The following CLIC5 variants were observed in gnomAD, a reference collection of about 807,000 sequenced individuals.
CLIC5 encodes chloride intracellular channel protein 5.
Under a neutral mutation model 24.7 loss-of-function variants are expected in CLIC5, and 20 were observed. The ratio of observed to expected loss-of-function variants is 0.81; its 90% confidence interval spans 0.57 to 1.18. The LOEUF is 1.18. Ranked by LOEUF, CLIC5 falls within the 50% of genes most tolerant of loss-of-function variation. The pLI is 0.00. For missense variants in CLIC5, 341 were observed against 326.1 expected (o/e 1.05, Z -0.35); for synonymous variants, 159 against 135.6 (o/e 1.17, Z -1.20).
chr6:45,983,452 A>G (rs1328961832), intron 1 of CLIC5, among the ~76,000 whole-genome samples: 4 of 152,198 alleles, frequency 2.6e-5, no homozygotes, highest in Admixed American at 6.5e-5. Context: ...AAGACACACC[A>G]TTGAGAAGAG....
the CLIC5 span, among the ~76,000 whole-genome samples, chr6:46,115,678 T>C: frequency 6.6e-6 from 1 of 152,248 alleles, no homozygotes; most frequent in Non-Finnish European, 1.5e-5. Flanking sequence ...TGAAAAATTA[T>C]GTCACTGAAA....
At chr6:46,121,295 G>A in the CLIC5 span, among the ~76,000 whole-genome samples, 1 of 151,982 alleles carries the variant, frequency 6.6e-6, no homozygotes, top group Non-Finnish European at 1.5e-5. Flanking sequence ...TTAAAGAAAA[G>A]AATTTTCAAC....
intron 1 of CLIC5, among the ~76,000 whole-genome samples, chr6:46,001,161 G>C (rs147309638): frequency 2.0e-5 from 3 of 152,246 alleles, no homozygotes; most frequent in African/African-American, 7.2e-5. Context: ...ACCTTAACTG[G>C]GAGAGGAACC....
the CLIC5 span, among the ~76,000 whole-genome samples, chr6:46,127,937 G>C: frequency 2.6e-5 from 4 of 152,134 alleles, no homozygotes; most frequent in African/African-American, 9.7e-5. Flanking sequence ...ACCACTAAAG[G>C]AACCAGAAGT....
At chr6:46,028,201 A>T (rs867515814) in intron 1 of CLIC5, among the ~76,000 whole-genome samples, 5 of 152,228 alleles carry the variant, frequency 3.3e-5, no homozygotes, top group African/African-American at 4.8e-5. Context: ...AAAAGGCAGA[A>T]GGATGCAAAA....
chr6:46,112,156 A>G, the CLIC5 span, among the ~76,000 whole-genome samples: 1 of 152,186 alleles, frequency 6.6e-6, no homozygotes, highest in Non-Finnish European at 1.5e-5. Flanking sequence ...TCAGAAAGCC[A>G]ACAAACAGAA....
At chr6:45,922,242 T>C (rs556465298) in intron 4 of CLIC5, among the ~76,000 whole-genome samples, 1 of 152,308 alleles carries the variant, frequency 6.6e-6, no homozygotes, top group Admixed American at 6.5e-5. Flanking sequence ...ATTCTTTATT[T>C]GAAAGATAGC....
At chr6:45,940,578 C>G (rs184525741) in intron 4 of CLIC5, among the ~76,000 whole-genome samples, 66 of 152,328 alleles carry the variant, frequency 4.3e-4, no homozygotes, top group Non-Finnish European at 7.2e-4. Context: ...AGCATCTATT[C>G]CCTTGTTTTG....
intron 1 of CLIC5, among the ~76,000 whole-genome samples, chr6:46,050,293 G>A (rs1463378162): frequency 6.6e-6 from 1 of 152,138 alleles, no homozygotes; most frequent in African/African-American, 2.4e-5. Context: ...TGACGCTGTT[G>A]ATGCCCTGCA....
intron 5 of CLIC5, chr6:45,911,475 G>A: frequency 2.3e-6 from 1 of 426,764 alleles, no homozygotes; most frequent in Non-Finnish European, 3.1e-6. Context: ...AGGCTGTCTT[G>A]GCTAAGAGCA....
rs868392145 is a variant in CLIC5, at chr6:46,068,482, A to G, written c.540+11221T>C. Among the ~76,000 whole-genome samples, 3 of 152,228 alleles carry G rather than the reference A, an allele frequency of 2.0e-5. No individual in the cohort carries two copies. In the Middle Eastern group the frequency reaches 0.01, roughly 518 times the overall value. On this transcript the variant is annotated intron_variant, in intron 1 of 5. Coordinates refer to the CLIC5 transcript ENST00000185206. Reference sequence around the variant, plus strand: ...TTTTAAGTATGCCAATGGACCAAGTATATGAGAATGGAGGCAGATCTTCCT... The same window carrying G: ...TTTTAAGTATGCCAATGGACCAAGTGTATGAGAATGGAGGCAGATCTTCCT...
intron 1 of CLIC5, among the ~76,000 whole-genome samples, chr6:46,037,538 C>T (rs993604805): frequency 6.6e-6 from 1 of 152,056 alleles, no homozygotes; most frequent in African/African-American, 2.4e-5. Context: ...TCCTTTTGCC[C>T]CAAGATGATG....
chr6:45,930,757 T>G (rs1256430096), intron 4 of CLIC5, among the ~76,000 whole-genome samples: 1 of 152,198 alleles, frequency 6.6e-6, no homozygotes, highest in African/African-American at 2.4e-5. Flanking sequence ...TATCACATAT[T>G]GGTGCCTACT....
chr6:45,958,854 A>G (rs1227272041), intron 1 of CLIC5, among the ~76,000 whole-genome samples: 1 of 152,096 alleles, frequency 6.6e-6, no homozygotes, highest in Non-Finnish European at 1.5e-5. Context: ...GTGCCTATTT[A>G]AATGGATGCA....
chr6:45,967,742 T>C (rs762092329), intron 1 of CLIC5, among the ~76,000 whole-genome samples: 20 of 152,018 alleles, frequency 1.3e-4, no homozygotes, highest in Non-Finnish European at 5.9e-5. Flanking sequence ...ATGATCATAG[T>C]GGAAAGCAAA....
intron 4 of CLIC5, among the ~76,000 whole-genome samples, chr6:45,919,447 C>T (rs550964569): frequency 1.3e-5 from 2 of 152,168 alleles, no homozygotes; most frequent in South Asian, 2.1e-4. Context: ...CCAAGCAAAG[C>T]ACCACACGGA....
At chr6:46,079,850 C>T (rs768813148) in exon 1 of CLIC5, 2 of 1,552,116 alleles carry the variant, frequency 1.3e-6, no homozygotes, top group South Asian at 2.4e-5. Context: ...GATCTTCCTT[C>T]ATCACACTCC....
intron 2 of CLIC5, among the ~76,000 whole-genome samples, chr6:45,953,637 G>A (rs1050337482): frequency 2.6e-5 from 4 of 151,880 alleles, no homozygotes; most frequent in Non-Finnish European, 4.4e-5. Flanking sequence ...CGGGGCTTCG[G>A]ATGCATCAAG....
At chr6:46,104,202 T>C in the CLIC5 span, among the ~76,000 whole-genome samples, 1 of 152,218 alleles carries the variant, frequency 6.6e-6, no homozygotes, top group Non-Finnish European at 1.5e-5. Flanking sequence ...GCCTTTGTTT[T>C]TCTGTGCTGT....
Sources: gnomAD v4.1 joint callset for allele counts (sites outside exome capture counted in the v4.1 genomes callset) on GRCh38, gnomAD v4.1.1 for gene constraint, MANE v1.5 for transcripts, NCBI Gene and HGNC (gene_info 2026-07-23, HGNC 2026-07-21) for gene names.